CEP83: variants seen among roughly 807,000 people sequenced by gnomAD.
The protein encoded by CEP83 is centrosomal protein 83.
CEP83 carries 70 observed loss-of-function variants against 101.9 expected under a neutral mutation model. The observed-to-expected ratio is 0.69, with a 90% CI of 0.57 to 0.84. The LOEUF (loss-of-function observed/expected upper bound fraction) is 0.84, where lower values mean the gene tolerates loss of function less well. Ranked by LOEUF, CEP83 falls within the 40% of genes least tolerant of loss-of-function variation. The pLI, the probability that CEP83 is intolerant of heterozygous loss-of-function variation, is 0.00. For missense variants in CEP83, 715 were observed against 787.2 expected, an observed-to-expected ratio of 0.91 and a Z score of 1.10; for synonymous variants, 264 against 267.9, an observed-to-expected ratio of 0.99 and a Z score of 0.14.
the CEP83 span, among the ~76,000 whole-genome samples, chr12:94,286,155 C>T: frequency 1.3e-5 from 2 of 152,320 alleles, no homozygotes; most frequent in East Asian, 1.9e-4. Flanking sequence ...AGTCACTTCC[C>T]GTCCAAATGA....
At chr12:94,459,411 G>A (rs1338912733) in intron 1 of CEP83, 146 bp downstream of exon 1, 2 of 152,202 alleles carry the variant, frequency 1.3e-5, no homozygotes, top group East Asian at 3.8e-4. Context: ...AGTTTCACGT[G>A]CGTCTCTCTG....
the CEP83 span, among the ~76,000 whole-genome samples, chr12:94,290,491 C>T: frequency 5.9e-5 from 9 of 152,228 alleles, no homozygotes; most frequent in African/African-American, 2.2e-4. Context: ...GGCCTGATGG[C>T]CCCAGCCGGC....
At chr12:94,344,079 C>A (rs539913195) in intron 11 of CEP83, among the ~76,000 whole-genome samples, 2 of 152,262 alleles carry the variant, frequency 1.3e-5, no homozygotes, top group African/African-American at 4.8e-5. Context: ...AGAAACCAAG[C>A]CAGGCAATAC....
chr12:94,310,731 G>C (rs991172967), intron 15 of CEP83, among the ~76,000 whole-genome samples: 2 of 152,168 alleles, frequency 1.3e-5, no homozygotes, highest in Non-Finnish European at 2.9e-5. Flanking sequence ...GAAAATGCTG[G>C]ATTGAAGCTT....
chr12:94,421,241 T>C (rs961799119), intron 2 of CEP83, among the ~76,000 whole-genome samples: 1 of 152,050 alleles, frequency 6.6e-6, no homozygotes, highest in African/African-American at 2.4e-5. Flanking sequence ...TTTTATTTTG[T>C]AGAGACAAGG....
At chr12:94,459,005 G>T (rs1490949776) in intron 1 of CEP83, among the ~76,000 whole-genome samples, 1 of 152,136 alleles carries the variant, frequency 6.6e-6, no homozygotes, top group Non-Finnish European at 1.5e-5. Context: ...AACAGATTAT[G>T]AAGTATATAT....
At chr12:94,266,234 G>A in the CEP83 span, among the ~76,000 whole-genome samples, 100 of 152,316 alleles carry the variant, frequency 6.6e-4, no homozygotes, top group Middle Eastern at 3.4e-3. Flanking sequence ...CCTCTGGTGG[G>A]AGAATAGTCC....
chr12:94,368,244 T>C (rs1005990737), intron 9 of CEP83, 43 bp from the exon 10 acceptor site: 4 of 1,492,398 alleles, frequency 2.7e-6, no homozygotes, highest in African/African-American at 1.4e-5. Flanking sequence ...TTCAATGTTA[T>C]TAAGATGAAA....
intron 2 of CEP83, chr12:94,424,418 G>A (rs139462777): frequency 6.2e-7 from 1 of 1,614,038 alleles, no homozygotes; most frequent in East Asian, 2.2e-5. Context: ...CTTCTCTGTG[G>A]ACTCCATCCT....
At chr12:94,335,159 C>T (rs1238884320) in intron 12 of CEP83, among the ~76,000 whole-genome samples, 2 of 152,198 alleles carry the variant, frequency 1.3e-5, no homozygotes, top group South Asian at 2.1e-4. Context: ...ATTATAAACA[C>T]AAATTTCCTT....
At chr12:94,381,782 T>C (rs1370349190) in intron 6 of CEP83, among the ~76,000 whole-genome samples, 1 of 152,156 alleles carries the variant, frequency 6.6e-6, no homozygotes, top group Non-Finnish European at 1.5e-5. Flanking sequence ...AAGATGTCTT[T>C]TCTTTCTTCA....
intron 2 of CEP83, chr12:94,424,250 C>T (rs1452993960): frequency 1.2e-5 from 20 of 1,614,052 alleles, no homozygotes; most frequent in Non-Finnish European, 1.7e-5. Flanking sequence ...GTCTCCATTC[C>T]TTGGCCAAGC....
chr12:94,354,184 C>T (rs2060333481), intron 11 of CEP83, among the ~76,000 whole-genome samples: 2 of 151,978 alleles, frequency 1.3e-5, no homozygotes, highest in Non-Finnish European at 2.9e-5. Context: ...GCAGAGTACT[C>T]ATTCTTCTTC....
chr12:94,390,205 C>T (rs934878246), intron 6 of CEP83, among the ~76,000 whole-genome samples: 9 of 152,136 alleles, frequency 5.9e-5, no homozygotes, highest in Non-Finnish European at 1.0e-4. Context: ...CTGGGAGACA[C>T]CTCTCAGTAG....
At chr12:94,443,041 T>TGCCTTCG (rs2066526516) in intron 1 of CEP83, among the ~76,000 whole-genome samples, 1 of 152,200 alleles carries the variant, frequency 6.6e-6, no homozygotes, top group Non-Finnish European at 1.5e-5. Context: ...TCTCATACAT[T>TGCCTTCG]GCCTTCGTCA....
intron 7 of CEP83, 105 bp from the exon 8 acceptor site, chr12:94,376,122 A>C (rs2061522459): frequency 1.4e-6 from 1 of 712,902 alleles, no homozygotes; most frequent in Non-Finnish European, 2.0e-6. Context: ...AATTATTCAA[A>C]ACCTCAACTT....
At chr12:94,305,326 C>A (rs372041593), downstream of CEP83, 1 of 1,266,862 alleles carries the variant, frequency 7.9e-7, no homozygotes. Flanking sequence ...GTTCTTCAGA[C>A]GACTTGGGAG....
At chr12:94,399,065 TG>T (rs2063087556) in intron 6 of CEP83, among the ~76,000 whole-genome samples, 1 of 152,240 alleles carries the variant, frequency 6.6e-6, no homozygotes, top group Non-Finnish European at 1.5e-5. Context: ...ATTCTGCTTT[TG>T]CCCTTTGCCT....
chr12:94,368,267 C>T lies in CEP83; in HGVS notation c.1049-66G>A, dbSNP rs559342388. On this transcript the variant is annotated intron_variant, in intron 9 of 16. Transcript: ENST00000397809. The stretch of plus-strand genomic sequence containing the variant: ...TATTAAGATGAAAAATCACATTTAA[C>T]AGCAAGCATTCATAAGCTGGTAAGA... 8.0e-6 allele frequency: 10 copies of T among 1,254,512 alleles called. No individual in the cohort carries two copies. In the East Asian group the frequency reaches 2.1e-4, roughly 27 times the overall value. 77.7% of individuals were successfully genotyped at this position (1,254,512 alleles called of 1,614,324 possible).
Sources: gnomAD v4.1 joint callset for allele counts (sites outside exome capture counted in the v4.1 genomes callset) on GRCh38, gnomAD v4.1.1 for gene constraint, MANE v1.5 for transcripts, NCBI Gene and HGNC (gene_info 2026-07-23, HGNC 2026-07-21) for gene names.